TELO2: variants seen among roughly 807,000 people sequenced by gnomAD.
The protein encoded by TELO2 is telomere maintenance 2.
TELO2 carries 71 observed loss-of-function variants against 91.0 expected under a neutral mutation model. The ratio of observed to expected loss-of-function variants is 0.78; its 90% CI spans 0.64 to 0.95. The LOEUF is 0.95. Among genes scored for constraint, TELO2 ranks in the 40% least tolerant of loss-of-function variants. TELO2 has a pLI of 0.00. For synonymous variants in TELO2, 584 were observed against 518.9 expected, an observed-to-expected ratio of 1.13 and a Z score of -1.71; for missense variants, 1,183 against 1,141.3, an observed-to-expected ratio of 1.04 and a Z score of -0.53.
chr16:1,502,830 G>A, intron 14 of TELO2, 69 bp downstream of exon 14: 1 of 1,602,024 alleles, frequency 6.2e-7, no homozygotes, highest in South Asian at 1.1e-5. Flanking sequence ...TGCGGTGCCT[G>A]AGTCTCGGTC....
At chr16:1,509,458 G>A (rs921376478) in intron 20 of TELO2, among the ~76,000 whole-genome samples, 2 of 152,168 alleles carry the variant, frequency 1.3e-5, no homozygotes, top group South Asian at 2.1e-4. Flanking sequence ...CCCCACAGGC[G>A]GGTGGCACGC....
At chr16:1,501,908 G>C in intron 11 of TELO2, 135 bp downstream of exon 11, 3 of 1,433,750 alleles carry the variant, frequency 2.1e-6, no homozygotes, top group Non-Finnish European at 2.9e-6. Flanking sequence ...GTGAGGGCCC[G>C]CAGCTCCCAG....
At position 1,505,463 on chromosome 16, in the gene TELO2, T is replaced by A. The variant is rs1596268058; in HGVS notation, c.1896T>A (p.Thr632=). The A allele has an allele frequency of 6.2e-7, 1 of 1,613,104 alleles. No homozygotes were observed. Residue 632 remains threonine (T), a synonymous_variant, in exon 16 of 21, where the codon ACT becomes ACA. Coordinates refer to ENST00000262319, the MANE Select transcript of TELO2 (RefSeq NM_016111.4). The surrounding 1 kb of genome is among the most constrained non-coding windows in gnomAD (Gnocchi z 4.3). ...ELSRPGCLGR[T]PQPGSPSPNT... ...CTAGGCCTGGGTGCCTCGGGAGGAC[T>A]CCCCAACCTGGCTCCCCAAGTCCCA...
intron 5 of TELO2, among the ~76,000 whole-genome samples, chr16:1,498,295 G>A (rs1221009899): frequency 6.6e-6 from 1 of 152,196 alleles, no homozygotes; most frequent in Non-Finnish European, 1.5e-5. Flanking sequence ...GATTATAGGC[G>A]TGAGCCCCTG....
intron 5 of TELO2, among the ~76,000 whole-genome samples, chr16:1,498,012 C>CT (rs1232168841): frequency 0.015 from 2,154 of 143,698 alleles, 15 homozygotes; most frequent in African/African-American, 0.024. Flanking sequence ...ATTTCCTCCT[C>CT]TTTTTTTTTT....
chr16:1,501,679 G>C lies in TELO2; in HGVS notation c.1378G>C (p.Ala460Pro). Residue 460 changes from alanine (A) to proline (P), a missense_variant, in exon 11 of 21, where the codon GCC becomes CCC. By Grantham distance (27) the Ala-to-Pro change is conservative (BLOSUM62 -1). Transcript: ENST00000262319. ...ASEAGTSLVP[A>P]TAEPPAETPA... ...TCCTTAAAGCACGTCCCTCGTTCCA[G>C]CCACGGCAGAGCCCCCTGCAGAGAC... 6.2e-7 allele frequency: 1 copy of C among 1,609,690 alleles called. No homozygotes were observed. Among genetic ancestry groups the C allele is most frequent in the African/African-American group, 1.3e-5 (1 of 74,858 alleles).
rs771486343 is a variant in TELO2 at position 1,507,766 on chromosome 16, G to A, written c.2407+50G>A. 8.2e-6 allele frequency: 11 copies of A among 1,341,600 alleles called. No individual in the cohort carries two copies. In the East Asian group the frequency reaches 3.0e-4, roughly 37 times the overall value. 83.1% of individuals were successfully genotyped at this position (1,341,600 alleles called of 1,614,324 possible). A position where few individuals can be genotyped will look rare whatever the true frequency, so the allele number is the denominator to read the frequency against. Reference sequence around the variant, plus strand: ...TGTGAGATGTGTGTCGGCCCGGGGTGTGTGTGTATGTGTGTGTGTGTGTGT... The same window carrying A: ...TGTGAGATGTGTGTCGGCCCGGGGTATGTGTGTATGTGTGTGTGTGTGTGT... On this transcript the variant is annotated intron_variant, in intron 20 of 20. Coordinates refer to ENST00000262319, the MANE Select transcript of TELO2 (RefSeq NM_016111.4).
chr16:1,501,947 T>G, intron 11 of TELO2, 100 bp from the exon 12 acceptor site: 2 of 1,541,606 alleles, frequency 1.3e-6, no homozygotes, highest in Non-Finnish European at 1.8e-6. Flanking sequence ...GGCCGAGGCG[T>G]GAGCTCCGCA....
chr16:1,508,346 T>G (rs2039984610), intron 20 of TELO2, among the ~76,000 whole-genome samples: 1 of 152,168 alleles, frequency 6.6e-6, no homozygotes, highest in Admixed American at 6.5e-5. Flanking sequence ...TTGGTCAGGA[T>G]GGTCTCAATC....
At chr16:1,506,703 G>T (rs1294980890) in intron 17 of TELO2, 1 of 1,386,292 alleles carries the variant, frequency 7.2e-7, no homozygotes, top group East Asian at 2.8e-5. Context: ...GTGGGGCCTG[G>T]GTTGTGCTGC....
At position 1,506,753 on chromosome 16, in the gene TELO2, A is replaced by G. The variant is rs376738348; in HGVS notation, c.2127-199A>G. 35 of 1,400,872 alleles carry G rather than the reference A, an allele frequency of 2.5e-5. No homozygotes were observed. In the East Asian group the frequency reaches 5.3e-4, roughly 21 times the overall value. 86.8% of individuals were successfully genotyped at this position (1,400,872 alleles called of 1,614,324 possible). A position where few individuals can be genotyped will look rare whatever the true frequency, so the allele number is the denominator to read the frequency against. On this transcript the variant is annotated intron_variant, in intron 17 of 20. Coordinates refer to ENST00000262319, the MANE Select transcript of TELO2 (RefSeq NM_016111.4). ...TCTCGGCGTTGGGAACTCCTGGCCC[A>G]GGTGGACTTGTGCCAGACAGCCCTG...
chr16:1,505,457 G>A lies in TELO2; in HGVS notation c.1890G>A (p.Gly630=). ...AGCTGTCTAGGCCTGGGTGCCTCGG[G>A]AGGACTCCCCAACCTGGCTCCCCAA... ...AQELSRPGCL[G]RTPQPGSPSP... is the part of the protein sequence containing the mutation. The change falls in exon 16 of 21, where the codon GGG becomes GGA. Residue 630 remains glycine, a synonymous_variant. Coordinates refer to ENST00000262319, the MANE Select transcript of TELO2 (RefSeq NM_016111.4). This position sits in a 1 kb window ranked among gnomAD's most constrained non-coding sequence, Gnocchi z 4.3. 1 of 1,613,138 alleles carries A rather than the reference G, an allele frequency of 6.2e-7. No individual in the cohort carries two copies.
chr16:1,501,900 G>C, intron 11 of TELO2, 127 bp downstream of exon 11: 3 of 1,437,664 alleles, frequency 2.1e-6, no homozygotes, highest in Non-Finnish European at 2.9e-6. Context: ...GTCCTCATGT[G>C]AGGGCCCGCA....
At position 1,505,651 on chromosome 16, in the gene TELO2, TG is replaced by T; in HGVS notation, c.2034+53del. 1.4e-6 allele frequency: 1 copy of T among 711,344 alleles called. No homozygotes were observed. The highest frequency in any genetic ancestry group is 3.9e-5 in the East Asian group (1 of 25,590). The allele number at this position is 711,344 out of a possible 1,614,324, so 44.1% of individuals were successfully genotyped here. On this transcript the variant is annotated intron_variant, in intron 16 of 20. Coordinates refer to ENST00000262319, the MANE Select transcript of TELO2 (RefSeq NM_016111.4). This position sits in a 1 kb window ranked among gnomAD's most constrained non-coding sequence, Gnocchi z 4.3. ...CACGGGCATGGGGACCGTGGGTGGG[TG>T]GGAAGGGCGGTCAGACACCTCCAGG...
chr16:1,506,109 G>A (rs2039883273), intron 16 of TELO2, 129 bp from the exon 17 acceptor site: 12 of 1,021,316 alleles, frequency 1.2e-5, no homozygotes, highest in South Asian at 4.4e-5. Context: ...GGGCGGGGCC[G>A]GAAGAGTAGC....
rs1272971644 is a variant in TELO2 at position 1,505,702 on chromosome 16, A to G, written c.2034+101A>G. ...GCGCTGTCTGCAGCGAGGGGCGGCC[A>G]CATTCGCTGGGGATGGTGCCTTTGC... On this transcript the variant is annotated intron_variant, in intron 16 of 20. Coordinates refer to ENST00000262319, the MANE Select transcript of TELO2 (RefSeq NM_016111.4). This position sits in a 1 kb window ranked among gnomAD's most constrained non-coding sequence, Gnocchi z 4.3. 7.3e-7 allele frequency: 1 copy of G among 1,370,796 alleles called. No individual in the cohort carries two copies. Among genetic ancestry groups the G allele is most frequent in the Non-Finnish European group, 9.8e-7 (1 of 1,020,104 alleles). The allele number at this position is 1,370,796 out of a possible 1,614,324, so 84.9% of individuals were successfully genotyped here.
rs765452734 is a variant in TELO2 at position 1,494,762 on chromosome 16, C to T, written c.335+146C>T. 19 of 921,728 alleles carry T rather than the reference C, an allele frequency of 2.1e-5. No individual in the cohort carries two copies. Among genetic ancestry groups the T allele is most frequent in the East Asian group, 5.3e-5 (2 of 37,584 alleles). 57.1% of individuals were successfully genotyped at this position (921,728 alleles called of 1,614,324 possible). ...TGGCTGAACCCCTGAACAGAAGAAG[C>T]GGTCTGTGTCTGTCTCCTTTGCGAC... On this transcript the variant is annotated intron_variant, in intron 2 of 20. Transcript: ENST00000262319. This position sits in a 1 kb window ranked among gnomAD's most constrained non-coding sequence, Gnocchi z 5.6.
At position 1,500,655 on chromosome 16, in the gene TELO2, G is replaced by C; in HGVS notation, c.1237G>C (p.Val413Leu). ...RRLGMIVAEV[V>L]SARIHPEGPP... ...CCTGGGCATGATCGTGGCAGAGGTCGTTAGTGCCCGGATCCACCCCGAGGG... is the reference window on the plus strand; with the variant it reads ...CCTGGGCATGATCGTGGCAGAGGTCCTTAGTGCCCGGATCCACCCCGAGGG... The change falls in exon 9 of 21, where the codon GTT (valine) becomes CTT (leucine). Residue 413 changes from valine to leucine, a missense_variant. Val to Leu is a conservative substitution (Grantham distance 32). Transcript: ENST00000262319. 2 of 1,612,588 alleles carry C rather than the reference G, an allele frequency of 1.2e-6. No homozygotes were observed. Among genetic ancestry groups the C allele is most frequent in the Non-Finnish European group, 1.7e-6 (2 of 1,179,838 alleles).
intron 3 of TELO2, 141 bp downstream of exon 3, chr16:1,495,764 C>T (rs1046141950): frequency 2.4e-6 from 3 of 1,231,886 alleles, no homozygotes; most frequent in Non-Finnish European, 3.3e-6. Context: ...GTCCCTGTCC[C>T]GCACAGTAGT....
Sources: gnomAD v4.1 joint callset for allele counts (sites outside exome capture counted in the v4.1 genomes callset) on GRCh38, gnomAD v4.1.1 for gene constraint, Gnocchi (gnomAD v3.1) non-coding constraint, MANE v1.5 for transcripts, NCBI Gene and HGNC (gene_info 2026-07-23, HGNC 2026-07-21) for gene names.